Variants in VAV3 observed in about 807,000 individuals in gnomAD.
The protein encoded by VAV3 is guanine nucleotide exchange factor VAV3.
VAV3 carries 94 observed loss-of-function variants against 131.2 expected under a neutral mutation model. That is an observed-to-expected ratio of 0.72 (90% confidence interval 0.61 to 0.85). VAV3 has a LOEUF of 0.85. Among genes scored for constraint, VAV3 ranks in the 40% least tolerant of loss-of-function variants. VAV3 has a pLI of 0.00. For synonymous variants in VAV3, 349 were observed against 342.0 expected (o/e 1.02, Z -0.22); for missense variants, 939 against 1,002.7 (o/e 0.94, Z 0.86).
At chr1:107,650,975 T>G (rs1027358879) in intron 19 of VAV3, among the ~76,000 whole-genome samples, 6 of 152,022 alleles carry the variant, frequency 3.9e-5, no homozygotes, top group African/African-American at 1.4e-4. Context: ...GATGAGTTCA[T>G]GTCCTTTGTA....
chr1:107,824,926 T>C (rs552426523), intron 2 of VAV3, among the ~76,000 whole-genome samples: 1 of 151,978 alleles, frequency 6.6e-6, no homozygotes, highest in Non-Finnish European at 1.5e-5. Context: ...CCACAGATGC[T>C]GAAGAAGGTA....
intron 1 of VAV3, among the ~76,000 whole-genome samples, chr1:107,880,691 G>A: frequency 6.6e-6 from 1 of 151,976 alleles, no homozygotes; most frequent in Non-Finnish European, 1.5e-5. Flanking sequence ...AGTTACTGGG[G>A]AGGCTGAGGC....
At chr1:107,883,421 T>C (rs1402269042) in intron 1 of VAV3, among the ~76,000 whole-genome samples, 1 of 152,148 alleles carries the variant, frequency 6.6e-6, no homozygotes, top group East Asian at 1.9e-4. Context: ...TTCAAATAAA[T>C]TGATGAATGA....
At chr1:107,630,465 G>A (rs1329035680) in intron 20 of VAV3, among the ~76,000 whole-genome samples, 1 of 152,060 alleles carries the variant, frequency 6.6e-6, no homozygotes, top group African/African-American at 2.4e-5. Flanking sequence ...ACTTCCACTT[G>A]ACAGATAAAA....
intron 2 of VAV3, among the ~76,000 whole-genome samples, chr1:107,840,038 A>G (rs991075744): frequency 1.4e-4 from 21 of 152,316 alleles, no homozygotes; most frequent in Admixed American, 1.1e-3. Context: ...CTTCCAAAAG[A>G]AAACATCAAG....
chr1:107,657,439 A>G (rs1194321610), intron 19 of VAV3, among the ~76,000 whole-genome samples: 2 of 152,184 alleles, frequency 1.3e-5, no homozygotes, highest in Non-Finnish European at 2.9e-5. Context: ...ATGTTCTCTT[A>G]ATTTTCCCTT....
At chr1:107,868,503 T>C (rs148002508) in intron 2 of VAV3, among the ~76,000 whole-genome samples, 40 of 152,188 alleles carry the variant, frequency 2.6e-4, no homozygotes, top group African/African-American at 9.6e-4. Flanking sequence ...TAGTAAACCA[T>C]TGCAGGCTCT....
intron 1 of VAV3, among the ~76,000 whole-genome samples, chr1:107,882,896 G>A (rs1230843744): frequency 6.6e-6 from 1 of 152,128 alleles, no homozygotes; most frequent in African/African-American, 2.4e-5. Flanking sequence ...TCATACTGAT[G>A]CTAATATCAC....
At chr1:107,772,026 A>T (rs1330963733) in intron 5 of VAV3, among the ~76,000 whole-genome samples, 1 of 152,268 alleles carries the variant, frequency 6.6e-6, no homozygotes, top group Non-Finnish European at 1.5e-5. Context: ...CGCATTCATC[A>T]AAGCACTGTG....
In VAV3 at chr1:107,729,345, A is replaced by T. The variant is rs1336409785; in HGVS notation, c.1502+19623T>A. On this transcript the variant is annotated intron_variant, in intron 15 of 26. Transcript: ENST00000370056. ...AAAGACTACATAAGGCAAATTTGGT[A>T]TATGATAATAGATGAGAGAATTGTG... 3.3e-5 allele frequency among the ~76,000 whole-genome samples: 5 copies of T among 152,294 alleles called. No individual in the cohort carries two copies. In the East Asian group the frequency reaches 7.7e-4, roughly 23 times the overall value.
At chr1:107,751,268 A>G in intron 12 of VAV3, 66 bp from the exon 13 acceptor site, 1 of 1,288,782 alleles carries the variant, frequency 7.8e-7, no homozygotes. Context: ...AAATATTAGT[A>G]GAGATATTTA....
At chr1:107,842,850 T>C (rs899042998) in intron 2 of VAV3, among the ~76,000 whole-genome samples, 6 of 152,128 alleles carry the variant, frequency 3.9e-5, no homozygotes, top group African/African-American at 1.4e-4. Flanking sequence ...AGAAACAGTC[T>C]CTCCAATGAG....
chr1:107,849,242 CAA>C (rs201705921), intron 2 of VAV3, among the ~76,000 whole-genome samples: 32 of 134,318 alleles, frequency 2.4e-4, no homozygotes, highest in Non-Finnish European at 2.3e-4. Flanking sequence ...CATATGCAAC[CAA>C]AAAAAAAAAA....
chr1:107,661,939 G>A (rs946465309), intron 19 of VAV3, among the ~76,000 whole-genome samples: 2 of 152,142 alleles, frequency 1.3e-5, no homozygotes, highest in Admixed American at 1.3e-4. Context: ...CAGATTAGTT[G>A]AGGAAGGTAT....
intron 2 of VAV3, among the ~76,000 whole-genome samples, chr1:107,827,052 C>T (rs949501775): frequency 9.2e-5 from 14 of 152,066 alleles, no homozygotes; most frequent in African/African-American, 2.9e-4. Flanking sequence ...GTTTCTCATA[C>T]TTTCTTTCAT....
chr1:107,902,183 T>G (rs905479036), intron 1 of VAV3, among the ~76,000 whole-genome samples: 3 of 152,206 alleles, frequency 2.0e-5, no homozygotes, highest in Non-Finnish European at 4.4e-5. Flanking sequence ...AGATGAATTC[T>G]AACTTTCCAA....
At chr1:107,595,226 T>G (rs577488366) in intron 25 of VAV3, among the ~76,000 whole-genome samples, 65 of 152,260 alleles carry the variant, frequency 4.3e-4, no homozygotes, top group Non-Finnish European at 7.5e-4. Flanking sequence ...AAACATATAT[T>G]AAGTTACTTA....
intron 1 of VAV3, among the ~76,000 whole-genome samples, chr1:107,897,505 A>G (rs985690002): frequency 2.6e-5 from 4 of 151,858 alleles, no homozygotes; most frequent in Non-Finnish European, 5.9e-5. Flanking sequence ...AGGGAAGGAA[A>G]AGGAGGAAGT....
intron 1 of VAV3, among the ~76,000 whole-genome samples, chr1:107,899,245 GAAGA>G (rs1362694769): frequency 5.9e-5 from 9 of 152,206 alleles, no homozygotes; most frequent in African/African-American, 2.2e-4. Context: ...TAGAAATATA[GAAGA>G]GAGTGTCAAG....
Sources: allele counts gnomAD v4.1 joint callset (sites outside exome capture counted in the v4.1 genomes callset), GRCh38; gene constraint gnomAD v4.1.1; transcripts MANE v1.5; gene names NCBI Gene and HGNC (gene_info 2026-07-23, HGNC 2026-07-21).